The following RALA variants were observed in gnomAD, a reference collection of about 807,000 sequenced individuals.
RALA encodes the protein ras-related protein Ral-A.
RALA carries 5 observed loss-of-function variants against 24.0 expected under a neutral mutation model. The ratio of observed to expected loss-of-function variants is 0.21; its 90% CI spans 0.11 to 0.44. The LOEUF is 0.44. RALA is among the 20% of genes least tolerant of loss of function. The pLI is 0.99. For synonymous variants in RALA, 77 were observed against 83.8 expected, an observed-to-expected ratio of 0.92 and a Z score of 0.44; for missense variants, 95 against 241.2, an observed-to-expected ratio of 0.39 and a Z score of 4.01.
intron 1 of RALA, among the ~76,000 whole-genome samples, chr7:39,627,434 T>G (rs1219516789): frequency 6.6e-6 from 1 of 152,204 alleles, no homozygotes; most frequent in Non-Finnish European, 1.5e-5. Flanking sequence ...ATGCAATAGA[T>G]GTAACACTGA....
At chr7:39,637,850 A>G (rs979837518) in intron 1 of RALA, among the ~76,000 whole-genome samples, 1 of 152,200 alleles carries the variant, frequency 6.6e-6, no homozygotes, top group Admixed American at 6.5e-5. Flanking sequence ...TTCTGAGTAT[A>G]GATGCTTTTA....
intron 3 of RALA, among the ~76,000 whole-genome samples, chr7:39,693,512 A>G (rs151251148): frequency 0.014 from 2,141 of 152,332 alleles, 22 homozygotes; most frequent in Non-Finnish European, 0.022. Flanking sequence ...GCACATGTAT[A>G]CCTCGGTAAC....
intron 1 of RALA, among the ~76,000 whole-genome samples, chr7:39,639,438 C>T (rs1256630390): frequency 6.6e-6 from 1 of 152,084 alleles, no homozygotes; most frequent in Non-Finnish European, 1.5e-5. Context: ...GCACGTAGTC[C>T]CAGCTCCATG....
At chr7:39,695,633 G>A (rs1221334655) in intron 3 of RALA, among the ~76,000 whole-genome samples, 1 of 151,922 alleles carries the variant, frequency 6.6e-6, no homozygotes, top group Admixed American at 6.6e-5. Flanking sequence ...TGAACTCCTA[G>A]CCTCAAGCAA....
intron 1 of RALA, among the ~76,000 whole-genome samples, chr7:39,649,456 C>T (rs1053180104): frequency 6.6e-6 from 1 of 152,148 alleles, no homozygotes; most frequent in Non-Finnish European, 1.5e-5. Flanking sequence ...AGCGCAGAGT[C>T]CTCATGAATG....
At chr7:39,652,371 A>T (rs1310688125) in intron 1 of RALA, among the ~76,000 whole-genome samples, 1 of 152,222 alleles carries the variant, frequency 6.6e-6, no homozygotes, top group Non-Finnish European at 1.5e-5. Flanking sequence ...TCTTACTAAT[A>T]ATTCACATAC....
chr7:39,624,840 AT>A (rs1353096129), intron 1 of RALA, among the ~76,000 whole-genome samples: 2 of 152,240 alleles, frequency 1.3e-5, no homozygotes, highest in Non-Finnish European at 2.9e-5. Context: ...CTTTAATCAT[AT>A]TCCAGAAATT....
intron 1 of RALA, among the ~76,000 whole-genome samples, chr7:39,643,177 T>C (rs1262903196): frequency 6.6e-6 from 1 of 152,174 alleles, no homozygotes; most frequent in South Asian, 2.1e-4. Context: ...AATTAGGAAG[T>C]AAAGTTCAAA....
At chr7:39,666,100 CT>C (rs928638322) in intron 1 of RALA, among the ~76,000 whole-genome samples, 3 of 151,894 alleles carry the variant, frequency 2.0e-5, no homozygotes, top group African/African-American at 4.8e-5. Context: ...TTTAATCTCC[CT>C]TTTTTTTCTT....
chr7:39,643,710 G>A (rs1253056203), intron 1 of RALA, among the ~76,000 whole-genome samples: 3 of 152,112 alleles, frequency 2.0e-5, no homozygotes, highest in Non-Finnish European at 2.9e-5. Flanking sequence ...TCAAAAATTA[G>A]CCAGGTGTCG....
chr7:39,637,214 A>C lies in RALA; in HGVS notation c.-38+13389A>C, dbSNP rs142700609. On this transcript the variant is annotated intron_variant, in intron 1 of 4. Coordinates refer to ENST00000005257, the MANE Select transcript of RALA (RefSeq NM_005402.4). ...GAGGAGTCCCAGTTATAGCCAAAGT[A>C]ACCCAAAATGATGCTAGGTTTAATC... Among the ~76,000 whole-genome samples the C allele has an allele frequency of 3.8e-3, 575 of 152,358 alleles. 4 individuals are homozygous for C. Among genetic ancestry groups the C allele is most frequent in the African/African-American group, 0.013 (558 of 41,596 alleles).
At chr7:39,698,325 T>C (rs749778688) in intron 4 of RALA, among the ~76,000 whole-genome samples, 11 of 152,196 alleles carry the variant, frequency 7.2e-5, no homozygotes, top group Non-Finnish European at 1.5e-4. Context: ...TATCATAGTT[T>C]CCTGGGAACC....
At chr7:39,699,436 G>A (rs1417476736) in intron 4 of RALA, among the ~76,000 whole-genome samples, 55 of 152,188 alleles carry the variant, frequency 3.6e-4, no homozygotes, top group Admixed American at 3.4e-3. Context: ...CACCACGCCC[G>A]GCCTAAAAAT....
chr7:39,668,999 A>T (rs1792334275), intron 1 of RALA, among the ~76,000 whole-genome samples: 1 of 151,944 alleles, frequency 6.6e-6, no homozygotes, highest in African/African-American at 2.4e-5. Context: ...CTGTAGTCCC[A>T]GCTACTCAGG....
intron 1 of RALA, among the ~76,000 whole-genome samples, chr7:39,648,197 T>G (rs1791960357): frequency 6.6e-6 from 1 of 152,194 alleles, no homozygotes; most frequent in South Asian, 2.1e-4. Flanking sequence ...TCATTTTACA[T>G]ATCTGAAAAC....
chr7:39,658,106 G>T (rs1792125311), intron 1 of RALA, among the ~76,000 whole-genome samples: 1 of 152,146 alleles, frequency 6.6e-6, no homozygotes, highest in Admixed American at 6.5e-5. Flanking sequence ...CCTTTCTTGA[G>T]CACACAGACA....
At chr7:39,696,599 T>G (rs923578807) in intron 3 of RALA, 86 bp from the exon 4 acceptor site, 17 of 1,080,692 alleles carry the variant, frequency 1.6e-5, no homozygotes, top group Middle Eastern at 3.0e-4. Context: ...ATGTTAACAA[T>G]AGGGAAAAAT....
intron 2 of RALA, among the ~76,000 whole-genome samples, chr7:39,688,983 G>A (rs1005027914): frequency 2.0e-5 from 3 of 152,124 alleles, no homozygotes; most frequent in Non-Finnish European, 4.4e-5. Context: ...GTGTGAGCGA[G>A]CACACGCGAG....
Position 39,706,394 on chromosome 7 carries a change from G to A in RALA, c.*149G>A, listed in dbSNP as rs1793120575. 2.4e-6 allele frequency: 2 copies of A among 817,880 alleles called. No individual in the cohort carries two copies. The highest frequency in any genetic ancestry group is 2.9e-5 in the East Asian group (1 of 34,478). The allele number at this position is 817,880 out of a possible 1,614,324, so 50.7% of individuals were successfully genotyped here. On this transcript the variant is annotated 3_prime_UTR_variant, in exon 5 of 5. Coordinates refer to ENST00000005257, the MANE Select transcript of RALA (RefSeq NM_005402.4). ...AGCATGAATTGGAACTGCAATGAAA[G>A]TCAAATTTACTTTAAAAAGAAATTA...
Sources: gnomAD v4.1 joint callset for allele counts (sites outside exome capture counted in the v4.1 genomes callset) on GRCh38, gnomAD v4.1.1 for gene constraint, MANE v1.5 for transcripts, NCBI Gene and HGNC (gene_info 2026-07-23, HGNC 2026-07-21) for gene names.